CCDC194: variants seen among roughly 807,000 people sequenced by gnomAD.
CCDC194 encodes the protein coiled-coil domain containing 194.
Under a neutral mutation model 4.9 loss-of-function variants are expected in CCDC194, and 8 were observed. The ratio of observed to expected loss-of-function variants is 1.65; its 90% CI spans 0.97 to 2.97. The LOEUF (loss-of-function observed/expected upper bound fraction) is 2.97, where lower values mean the gene tolerates loss of function less well. CCDC194 is among the 30% of genes most tolerant of loss of function. The pLI, the probability that CCDC194 is intolerant of heterozygous loss-of-function variation, is 0.00. For missense variants in CCDC194, 52 were observed against 43.1 expected, an observed-to-expected ratio of 1.21 and a Z score of -0.58; for synonymous variants, 13 against 17.0, an observed-to-expected ratio of 0.76 and a Z score of 0.58.
downstream of CCDC194, chr19:17,390,424 T>G (rs1258645766): frequency 2.6e-6 from 1 of 382,936 alleles, no homozygotes; most frequent in Non-Finnish European, 4.6e-6. The surrounding 1 kb of genome is among the most constrained non-coding windows in gnomAD (Gnocchi z 5.5). Context: ...GCATCCAGCG[T>G]GGGGGTGCCT....
intron 1 of CCDC194, among the ~76,000 whole-genome samples, chr19:17,393,188 AG>A (rs1445977132): frequency 6.6e-6 from 1 of 152,082 alleles, no homozygotes; most frequent in African/African-American, 2.4e-5. Flanking sequence ...AGGAGGACCC[AG>A]CAGGTACCTC....
At position 17,390,916 on chromosome 19, in the gene CCDC194, T is replaced by TAAGGAAAA. The variant is rs1481188152; in HGVS notation, c.555-258_555-257insTTTTCCTT. Among the ~76,000 whole-genome samples the TAAGGAAAA allele has an allele frequency of 6.6e-6, 1 of 151,806 alleles. No homozygotes were observed. Among genetic ancestry groups the TAAGGAAAA allele is most frequent in the African/African-American group, 2.4e-5 (1 of 41,320 alleles). ...CAGCCTCTCCCTCGATACTCCCTTTTCCTTGCTCCCTTCTCTTCCGTTCCC... is the reference window on the plus strand; with the variant it reads ...CAGCCTCTCCCTCGATACTCCCTTTTAAGGAAAACCTTGCTCCCTTCTCTTCCGTTCCC... On this transcript the variant is annotated intron_variant, in intron 3 of 3. Transcript: ENST00000636079. The surrounding 1 kb of genome is among the most constrained non-coding windows in gnomAD (Gnocchi z 5.5).
At chr19:17,392,800 C>T (rs1381595497) in intron 1 of CCDC194, among the ~76,000 whole-genome samples, 1 of 152,200 alleles carries the variant, frequency 6.6e-6, no homozygotes, top group African/African-American at 2.4e-5. Context: ...TCTCAGCTCA[C>T]TGCAACCTCC....
upstream of CCDC194, chr19:17,394,186 CGG>C (rs1277282484): frequency 4.9e-5 from 19 of 389,948 alleles, no homozygotes; most frequent in East Asian, 7.0e-4. Context: ...TGGCCCCAGA[CGG>C]CCACGAATAT....
rs2074653625 is a variant in CCDC194 at position 17,391,276 on chromosome 19, GC to G, written c.488del (p.Arg163ProfsTer30). ...CGCCCTCGGCCTCCGCCACGCCTGC[GC>G]GCCGCAGAGCCTCGTCCAGCCGCCG... On this transcript the variant is annotated frameshift_variant, in exon 3 of 4. Coordinates refer to ENST00000636079, the Ensembl canonical transcript of CCDC194. LOFTEE classifies it high-confidence loss of function. 1 of 410,192 alleles carries G rather than the reference GC, an allele frequency of 2.4e-6. No homozygotes were observed. Among genetic ancestry groups the G allele is most frequent in the Non-Finnish European group, 4.3e-6 (1 of 233,978 alleles). The allele number at this position is 410,192 out of a possible 1,614,324, so 25.4% of individuals were successfully genotyped here.
chr19:17,388,375 C>T (rs2074643205), downstream of CCDC194, among the ~76,000 whole-genome samples: 1 of 150,396 alleles, frequency 6.6e-6, no homozygotes, highest in Admixed American at 6.7e-5. Flanking sequence ...ACTTTCTTCT[C>T]TTTCTTTCTT....
exon 1 of CCDC194, chr19:17,394,016 C>A: frequency 2.6e-6 from 1 of 390,658 alleles, no homozygotes; most frequent in Non-Finnish European, 4.5e-6. Context: ...TGGCTCCGGG[C>A]AGCGAGGTCC....
At chr19:17,389,670 AG>A (rs2074647158), downstream of CCDC194, among the ~76,000 whole-genome samples, 2 of 152,188 alleles carry the variant, frequency 1.3e-5, no homozygotes, top group Non-Finnish European at 2.9e-5. Context: ...GTTGCAGTGT[AG>A]GTTAAAAACA....
At chr19:17,394,076 G>A in exon 1 of CCDC194, 1 of 390,508 alleles carries the variant, frequency 2.6e-6, no homozygotes, top group Non-Finnish European at 4.5e-6. Context: ...CCCGCCGGCT[G>A]CTGCCGCAGC....
chr19:17,388,714 AC>A (rs1445611037), downstream of CCDC194, among the ~76,000 whole-genome samples: 1 of 151,904 alleles, frequency 6.6e-6, no homozygotes, highest in African/African-American at 2.4e-5. Context: ...TGTTGCCCAG[AC>A]TGGTCTTGAA....
intron 1 of CCDC194, among the ~76,000 whole-genome samples, chr19:17,392,746 A>G (rs962176986): frequency 6.6e-6 from 1 of 151,504 alleles, no homozygotes; most frequent in African/African-American, 2.4e-5. Flanking sequence ...TTATTTTGAG[A>G]TGGGGTCTTG....
intron 1 of CCDC194, among the ~76,000 whole-genome samples, 157 bp downstream of exon 1, chr19:17,393,678 G>A (rs1487776912): frequency 6.6e-6 from 1 of 152,096 alleles, no homozygotes; most frequent in Non-Finnish European, 1.5e-5. Context: ...GACATCTAAG[G>A]GTTGGAAGGC....
intron 1 of CCDC194, among the ~76,000 whole-genome samples, chr19:17,392,576 C>G (rs2074658856): frequency 1.3e-5 from 2 of 152,172 alleles, no homozygotes; most frequent in African/African-American, 4.8e-5. Context: ...GTAGGACATT[C>G]TGCAAAACGA....
At chr19:17,391,462 A>G (rs1481215097) in intron 2 of CCDC194, 119 bp from the exon 3 acceptor site, 5 of 600,014 alleles carry the variant, frequency 8.3e-6, no homozygotes, top group Middle Eastern at 4.3e-4. Flanking sequence ...TTTGAATTAA[A>G]TTAGTGTGTA....
At chr19:17,392,338 T>C (rs1599588112) in intron 1 of CCDC194, 1 of 148,874 alleles carries the variant, frequency 6.7e-6, no homozygotes, top group African/African-American at 2.5e-5. Flanking sequence ...TAGCAGTGTG[T>C]GGTGGTGGGC....
At chr19:17,391,516 G>T in intron 2 of CCDC194, 173 bp from the exon 3 acceptor site, 2 of 934,898 alleles carry the variant, frequency 2.1e-6, no homozygotes, top group Non-Finnish European at 3.1e-6. Context: ...CTTTTCATAG[G>T]TTTGCATTGC....
At chr19:17,393,492 G>A (rs1458848486) in intron 1 of CCDC194, among the ~76,000 whole-genome samples, 1 of 149,222 alleles carries the variant, frequency 6.7e-6, no homozygotes, top group Non-Finnish European at 1.5e-5. Context: ...GGGTTCAAGC[G>A]ATTCTCCCGC....
exon 3 of CCDC194, chr19:17,391,220 C>G (rs2074653234): frequency 2.5e-6 from 1 of 400,572 alleles, no homozygotes; most frequent in Non-Finnish European, 4.4e-6. Context: ...CAGGCGTTCG[C>G]GCAGCGCCGC....
intron 1 of CCDC194, 38 bp from the exon 2 acceptor site, chr19:17,391,884 G>A: frequency 6.9e-7 from 1 of 1,456,668 alleles, no homozygotes; most frequent in Non-Finnish European, 9.0e-7. Context: ...GGTGTAGGCA[G>A]AGGAGAGGAG....
Sources: gnomAD v4.1 joint callset for allele counts (sites outside exome capture counted in the v4.1 genomes callset) on GRCh38, gnomAD v4.1.1 for gene constraint, Gnocchi (gnomAD v3.1) non-coding constraint, MANE v1.5 for transcripts, NCBI Gene and HGNC (gene_info 2026-07-23, HGNC 2026-07-21) for gene names.